Variants in GALNT7 observed in about 807,000 individuals in gnomAD.
GALNT7 encodes N-acetylgalactosaminyltransferase 7.
In GALNT7, 60 loss-of-function variants were observed where a neutral mutation model predicts 82.1. The ratio of observed to expected loss-of-function variants is 0.73; its 90% CI spans 0.59 to 0.91. The LOEUF is 0.91. Among genes scored for constraint, GALNT7 ranks in the 40% least tolerant of loss-of-function variants. The pLI is 0.00. For missense variants in GALNT7, 660 were observed against 804.2 expected, an observed-to-expected ratio of 0.82 and a Z score of 2.17; for synonymous variants, 243 against 275.1, an observed-to-expected ratio of 0.88 and a Z score of 1.15.
At chr4:173,281,336 C>A (rs1736101071) in intron 2 of GALNT7, among the ~76,000 whole-genome samples, 1 of 152,156 alleles carries the variant, frequency 6.6e-6, no homozygotes, top group South Asian at 2.1e-4. Flanking sequence ...CTCACCAGAC[C>A]CACTATGGGG....
intron 1 of GALNT7, among the ~76,000 whole-genome samples, chr4:173,173,159 G>A (rs1036734147): frequency 1.3e-5 from 2 of 152,108 alleles, no homozygotes; most frequent in African/African-American, 4.8e-5. Flanking sequence ...GGAGGCCTAG[G>A]ATGATAGATT....
chr4:173,191,544 G>C (rs1732629653), intron 1 of GALNT7, among the ~76,000 whole-genome samples: 1 of 152,172 alleles, frequency 6.6e-6, no homozygotes, highest in Non-Finnish European at 1.5e-5. Flanking sequence ...GCACAGTAGT[G>C]GATATAAAGT....
intron 2 of GALNT7, among the ~76,000 whole-genome samples, chr4:173,256,693 T>C (rs1735051507): frequency 6.6e-6 from 1 of 152,216 alleles, no homozygotes; most frequent in African/African-American, 2.4e-5. Context: ...TGCCTATAAT[T>C]GCACCTAAAA....
chr4:173,313,938 T>C lies in GALNT7; in HGVS notation c.1390-20T>C. 9.3e-7 allele frequency: 1 copy of C among 1,072,290 alleles called. No individual in the cohort carries two copies. The highest frequency in any genetic ancestry group is 1.4e-6 in the Non-Finnish European group (1 of 726,430). The allele number at this position is 1,072,290 out of a possible 1,614,324, so 66.4% of individuals were successfully genotyped here. On this transcript the variant is annotated intron_variant, in intron 8 of 11. Coordinates refer to ENST00000265000, the MANE Select transcript of GALNT7 (RefSeq NM_017423.3). ...TTGTATTTTTATAACGATATATATA[T>C]ATATATTTTTTTTTTACAGAATTAT...
chr4:173,295,609 T>A, intron 4 of GALNT7, 83 bp downstream of exon 4: 1 of 1,400,840 alleles, frequency 7.1e-7, no homozygotes, highest in Non-Finnish European at 1.0e-6. Flanking sequence ...TCTTCAGTTT[T>A]TTTAATTGAA....
chr4:173,268,980 G>T (rs1190717067), intron 2 of GALNT7, among the ~76,000 whole-genome samples: 1 of 152,106 alleles, frequency 6.6e-6, no homozygotes, highest in African/African-American at 2.4e-5. Flanking sequence ...TATTTAGTAT[G>T]GGGCTCAGGT....
rs767230125 is a variant in GALNT7 at position 173,302,578 on chromosome 4, G to A, written c.1266+414G>A. ...ACAGAAGCAGAGCCCCACAATGACT[G>A]TATCCTCAGGCTGACTTTGGCGCTG... On this transcript the variant is annotated intron_variant, in intron 7 of 11. Coordinates refer to ENST00000265000, the MANE Select transcript of GALNT7 (RefSeq NM_017423.3). The surrounding 1 kb of genome is among the most constrained non-coding windows in gnomAD (Gnocchi z 4.2). Among the ~76,000 whole-genome samples the A allele has an allele frequency of 1.3e-5, 2 of 152,198 alleles. No individual in the cohort carries two copies. The highest frequency in any genetic ancestry group is 2.1e-4 in the South Asian group (1 of 4,830).
chr4:173,314,201 A>C (rs1737502520), intron 9 of GALNT7, 25 bp downstream of exon 9: 1 of 1,402,684 alleles, frequency 7.1e-7, no homozygotes, highest in African/African-American at 1.4e-5. Context: ...CTCAAAATGT[A>C]TGTGTTTGTA....
Position 173,300,955 on chromosome 4 carries a change from G to A in GALNT7, c.1149-1092G>A, listed in dbSNP as rs183224032. ...TCTAGACCAGTCTGAGCAACATGGC[G>A]AAACCCCATCTCTACAAAATACATA... On this transcript the variant is annotated intron_variant, in intron 6 of 11. Coordinates refer to ENST00000265000, the MANE Select transcript of GALNT7 (RefSeq NM_017423.3). 7.5e-3 allele frequency among the ~76,000 whole-genome samples: 1,135 copies of A among 152,074 alleles called. 11 individuals carry two copies. Among genetic ancestry groups the A allele is most frequent in the African/African-American group, 0.025 (1,057 of 41,468 alleles).
chr4:173,255,279 G>A lies in GALNT7; in HGVS notation c.587+6839G>A, dbSNP rs137957720. Among the ~76,000 whole-genome samples, 295 of 152,168 alleles carry A rather than the reference G, an allele frequency of 1.9e-3. 1 individual carries two copies. Among genetic ancestry groups the A allele is most frequent in the African/African-American group, 6.5e-3 (270 of 41,514 alleles). On this transcript the variant is annotated intron_variant, in intron 2 of 11. Coordinates refer to ENST00000265000, the MANE Select transcript of GALNT7 (RefSeq NM_017423.3). ...ATGGCTCCCTTCCCTTGGTGGAAACGTCCTTCTGCTGCCCAGACCTCATTT... is the reference window on the plus strand; with the variant it reads ...ATGGCTCCCTTCCCTTGGTGGAAACATCCTTCTGCTGCCCAGACCTCATTT...
intron 2 of GALNT7, among the ~76,000 whole-genome samples, chr4:173,286,970 C>T (rs1446376784): frequency 1.3e-5 from 2 of 152,178 alleles, no homozygotes; most frequent in South Asian, 2.1e-4. Context: ...CTCAGTGCCT[C>T]CCTGAGACTT....
At chr4:173,175,346 G>A (rs1302480478) in intron 1 of GALNT7, among the ~76,000 whole-genome samples, 1 of 152,208 alleles carries the variant, frequency 6.6e-6, no homozygotes, top group South Asian at 2.1e-4. Context: ...TTGCAAGTCC[G>A]ATGGAATCCC....
At position 173,293,764 on chromosome 4, in the gene GALNT7, G is replaced by A. The variant is rs375944987; in HGVS notation, c.754+1490G>A. ...GGGTTAGCTTTTGCTCAAACTACAC[G>A]GTCCTTGTGGGTCAGCCTAGCTCTG... is the stretch of plus-strand genomic sequence containing the variant. On this transcript the variant is annotated intron_variant, in intron 3 of 11. Coordinates refer to ENST00000265000, the MANE Select transcript of GALNT7 (RefSeq NM_017423.3). Among the ~76,000 whole-genome samples the A allele has an allele frequency of 5.1e-4, 77 of 152,290 alleles. 1 individual carries two copies. In the South Asian group the frequency reaches 7.9e-3, roughly 16 times the overall value.
chr4:173,320,069 A>T lies in GALNT7; in HGVS notation c.1836+1510A>T, dbSNP rs1361063444. ...AAAGAGCACCGAACTTCATTTTTTA[A>T]GTTTTGGAGAGGGATAGACCTTATT... On this transcript the variant is annotated intron_variant, in intron 11 of 11. Transcript: ENST00000265000. This position sits in a 1 kb window ranked among gnomAD's most constrained non-coding sequence, Gnocchi z 4.1. Among the ~76,000 whole-genome samples, 2 of 152,138 alleles carry T rather than the reference A, an allele frequency of 1.3e-5. No homozygotes were observed. The highest frequency in any genetic ancestry group is 1.9e-4 in the East Asian group (1 of 5,200).
chr4:173,298,547 A>G (rs1277973261), intron 6 of GALNT7, among the ~76,000 whole-genome samples: 1 of 152,220 alleles, frequency 6.6e-6, no homozygotes, highest in East Asian at 1.9e-4. Context: ...ATAATGTAAC[A>G]TGGCATTTGT....
intron 1 of GALNT7, among the ~76,000 whole-genome samples, chr4:173,228,807 C>G (rs1428758940): frequency 6.6e-6 from 1 of 152,138 alleles, no homozygotes; most frequent in Non-Finnish European, 1.5e-5. Context: ...AGATTTTATG[C>G]TTCTTGAGGT....
At chr4:173,232,375 G>A (rs1426683563) in intron 1 of GALNT7, among the ~76,000 whole-genome samples, 1 of 151,810 alleles carries the variant, frequency 6.6e-6, no homozygotes, top group Non-Finnish European at 1.5e-5. Context: ...GGTATATTTT[G>A]ATACATGCAT....
At chr4:173,257,660 G>A (rs1442154153) in intron 2 of GALNT7, among the ~76,000 whole-genome samples, 1 of 152,160 alleles carries the variant, frequency 6.6e-6, no homozygotes, top group African/African-American at 2.4e-5. Context: ...TCTTCAAAAT[G>A]TAGCTATTGT....
At chr4:173,305,523 A>G (rs767839058) in intron 8 of GALNT7, among the ~76,000 whole-genome samples, 26 of 152,284 alleles carry the variant, frequency 1.7e-4, no homozygotes, top group Non-Finnish European at 3.1e-4. Context: ...TTCTTTTAGA[A>G]GTGTTACAGT....
Sources: gnomAD v4.1 joint callset for allele counts (sites outside exome capture counted in the v4.1 genomes callset) on GRCh38, gnomAD v4.1.1 for gene constraint, Gnocchi (gnomAD v3.1) non-coding constraint, MANE v1.5 for transcripts, NCBI Gene and HGNC (gene_info 2026-07-23, HGNC 2026-07-21) for gene names.